CTTNBP2: variants seen among roughly 807,000 people sequenced by gnomAD.
CTTNBP2 encodes cortactin binding protein 2.
In CTTNBP2, 108 loss-of-function variants were observed where a neutral mutation model predicts 156.9. The ratio of observed to expected loss-of-function variants is 0.69; its 90% CI spans 0.59 to 0.81. The LOEUF (loss-of-function observed/expected upper bound fraction) is 0.81. CTTNBP2 is among the 30% of genes least tolerant of loss of function. The pLI, the probability that CTTNBP2 is intolerant of heterozygous loss-of-function variation, is 0.00. For missense variants in CTTNBP2, 1,924 were observed against 2,035.4 expected, an observed-to-expected ratio of 0.95 and a Z score of 1.05; for synonymous variants, 767 against 751.8, an observed-to-expected ratio of 1.02 and a Z score of -0.33.
intron 12 of CTTNBP2, among the ~76,000 whole-genome samples, chr7:117,753,639 C>A (rs1393824400): frequency 1.3e-5 from 2 of 152,096 alleles, no homozygotes; most frequent in Non-Finnish European, 2.9e-5. Context: ...TAATCCTCTG[C>A]AAACTAATGC....
In CTTNBP2 at chr7:117,724,720, T is replaced by G; in HGVS notation, c.4274A>C (p.His1425Pro). 6.2e-7 allele frequency: 1 copy of G among 1,614,128 alleles called. No homozygotes were observed. The highest frequency in any genetic ancestry group is 8.5e-7 in the Non-Finnish European group (1 of 1,180,006). Residue 1425 changes from histidine (H) to proline (P), a missense_variant, in exon 19 of 23, where the codon CAT becomes CCT. Transcript: ENST00000160373. Reference sequence around the variant, plus strand: ...ACTTCCTCCTTTGAAATCAGCTGTATGCTGGTCTAGCTCTGAAACAACACA... The same window carrying G: ...ACTTCCTCCTTTGAAATCAGCTGTAGGCTGGTCTAGCTCTGAAACAACACA... ...CPLPRAELDQ[H>P]TADFKGGSFP...
Position 117,760,728 on chromosome 7 carries a change from G to A in CTTNBP2, c.2897-18C>T. 1.2e-5 allele frequency: 18 copies of A among 1,536,338 alleles called. No homozygotes were observed. The highest frequency in any genetic ancestry group is 3.7e-5 in the South Asian group (3 of 81,988). On this transcript the variant is annotated intron_variant, in intron 9 of 22. Coordinates refer to ENST00000160373, the MANE Select transcript of CTTNBP2 (RefSeq NM_033427.3). ...AAGAGCATCTGTTAGAAGAGTAAAA[G>A]AATTAGGAGTTAAAAAAATCTGGAC... is the stretch of plus-strand genomic sequence containing the variant.
In CTTNBP2 at chr7:117,861,327, TA is replaced by T. The variant is rs768337681; in HGVS notation, c.82-12del. The stretch of plus-strand genomic sequence containing the variant: ...ATCAAACTCTTTTTTCTGTAACACA[TA>T]AAAAAATAAGGCCATGAAAAATCTT... On this transcript the variant is annotated splice_polypyrimidine_tract_variant and intron_variant, in intron 1 of 22. Transcript: ENST00000160373. 9.6e-6 allele frequency: 15 copies of T among 1,569,856 alleles called. No homozygotes were observed. In the African/African-American group the frequency reaches 1.4e-4, roughly 14 times the overall value.
chr7:117,839,783 C>A (rs546825735), intron 2 of CTTNBP2, among the ~76,000 whole-genome samples: 13 of 152,276 alleles, frequency 8.5e-5, no homozygotes, highest in African/African-American at 2.9e-4. Flanking sequence ...GCTTTATTAT[C>A]ATCTACAGGG....
chr7:117,766,585 C>G (rs758545335), intron 9 of CTTNBP2, among the ~76,000 whole-genome samples: 1 of 152,060 alleles, frequency 6.6e-6, no homozygotes, highest in Non-Finnish European at 1.5e-5. Flanking sequence ...CACAAGTGAG[C>G]CTTTATAAAA....
At chr7:117,758,029 A>G in intron 10 of CTTNBP2, 59 bp from the exon 11 acceptor site, 1 of 1,249,754 alleles carries the variant, frequency 8.0e-7, no homozygotes. Context: ...TTTTCTCACA[A>G]GGGTAAACAT....
chr7:117,873,260 G>T (rs1247177930), intron 1 of CTTNBP2, 75 bp downstream of exon 1: 5 of 1,153,232 alleles, frequency 4.3e-6, no homozygotes, highest in Admixed American at 4.3e-5. Flanking sequence ...GCGAAGTCGG[G>T]TCCGGCTGGG....
chr7:117,846,534 T>C (rs1464795824), intron 2 of CTTNBP2, among the ~76,000 whole-genome samples: 2 of 151,684 alleles, frequency 1.3e-5, no homozygotes, highest in African/African-American at 2.4e-5. Context: ...TAATCCCACA[T>C]GGACCCAGAG....
At chr7:117,844,275 A>G (rs1372248850) in intron 2 of CTTNBP2, among the ~76,000 whole-genome samples, 1 of 152,188 alleles carries the variant, frequency 6.6e-6, no homozygotes, top group Non-Finnish European at 1.5e-5. Context: ...TGTTAAGATA[A>G]TAAATTTGTG....
In CTTNBP2 at chr7:117,734,871, C is replaced by T. The variant is rs757657061; in HGVS notation, c.3876+42G>A. On this transcript the variant is annotated intron_variant, in intron 16 of 22. Coordinates refer to ENST00000160373, the MANE Select transcript of CTTNBP2 (RefSeq NM_033427.3). Reference sequence around the variant, plus strand: ...AGCTGAGATCTCCTGACAACAAAAACCCCTGCTCTCCTGGCAACAGGCTGC... The same window carrying T: ...AGCTGAGATCTCCTGACAACAAAAATCCCTGCTCTCCTGGCAACAGGCTGC... The T allele has an allele frequency of 6.0e-6, 9 of 1,493,826 alleles. No homozygotes were observed. The Middle Eastern group carries it at 1.1e-3, about 181-fold the overall frequency. The allele number at this position is 1,493,826 out of a possible 1,614,324, so 92.5% of individuals were successfully genotyped here. A position where few individuals can be genotyped will look rare whatever the true frequency, so the allele number is the denominator to read the frequency against.
At chr7:117,835,576 T>C (rs1484058272) in intron 2 of CTTNBP2, among the ~76,000 whole-genome samples, 1 of 152,228 alleles carries the variant, frequency 6.6e-6, no homozygotes, top group African/African-American at 2.4e-5. Flanking sequence ...ATAAATGTTA[T>C]CGACCATGTG....
intron 12 of CTTNBP2, among the ~76,000 whole-genome samples, chr7:117,748,398 TG>T (rs1796451272): frequency 6.6e-6 from 1 of 152,176 alleles, no homozygotes; most frequent in African/African-American, 2.4e-5. Flanking sequence ...TCCAATTTTT[TG>T]GTAATTTCTC....
Position 117,766,738 on chromosome 7 carries a change from A to AT in CTTNBP2, c.2896+320dup, listed in dbSNP as rs200227388. Among the ~76,000 whole-genome samples, 92 of 152,296 alleles carry AT rather than the reference A, an allele frequency of 6.0e-4. No individual in the cohort carries two copies. The East Asian group carries it at 0.016, about 26-fold the overall frequency. On this transcript the variant is annotated intron_variant, in intron 9 of 22. Transcript: ENST00000160373. ...AGCTGATGCAGAGTACATAGCTGGGATTTTTCATATCCTGCCAGTCTAACA... is the reference window on the plus strand; with the variant it reads ...AGCTGATGCAGAGTACATAGCTGGGATTTTTTCATATCCTGCCAGTCTAACA...
intron 2 of CTTNBP2, among the ~76,000 whole-genome samples, chr7:117,858,063 C>A (rs1418431691): frequency 7.9e-5 from 12 of 152,118 alleles, no homozygotes. Flanking sequence ...CAATTTTAAA[C>A]CAAAAAAGCT....
At chr7:117,833,949 C>T (rs1445435951) in intron 2 of CTTNBP2, among the ~76,000 whole-genome samples, 3 of 152,170 alleles carry the variant, frequency 2.0e-5, no homozygotes, top group African/African-American at 7.2e-5. Context: ...TTAGATGCTG[C>T]TTACTCACAG....
At chr7:117,840,074 T>C (rs1281657066) in intron 2 of CTTNBP2, among the ~76,000 whole-genome samples, 1 of 152,198 alleles carries the variant, frequency 6.6e-6, no homozygotes, top group Non-Finnish European at 1.5e-5. Context: ...CATGCACACC[T>C]GTTCATACAA....
chr7:117,864,678 TTATA>T (rs1171184707), intron 1 of CTTNBP2, among the ~76,000 whole-genome samples: 1 of 83,710 alleles, frequency 1.2e-5, no homozygotes, highest in Admixed American at 1.0e-4. Flanking sequence ...ATTCATATAT[TTATA>T]TATATTCATA....
At position 117,792,466 on chromosome 7, in the gene CTTNBP2, T is replaced by C. The variant is rs777931972; in HGVS notation, c.730A>G (p.Lys244Glu). Residue 244 changes from lysine (K) to glutamate (E), a missense_variant, in exon 4 of 23, where the codon AAG (lysine) becomes GAG (glutamate). By Grantham distance (56) the Lys-to-Glu change is moderately conservative. Transcript: ENST00000160373. This position sits in a 1 kb window ranked among gnomAD's most constrained non-coding sequence, Gnocchi z 4.2. ...GTGTGTGCTTCTTCCCGGTTCAGCTTGGCACGAAGCTGTTCCCGCTCAGTG... is the reference window on the plus strand; with the variant it reads ...GTGTGTGCTTCTTCCCGGTTCAGCTCGGCACGAAGCTGTTCCCGCTCAGTG... ...FDTEREQLRA[K>E]LNREEAHTTD... 5.0e-6 allele frequency: 8 copies of C among 1,614,224 alleles called. No individual in the cohort carries two copies. The South Asian group carries it at 7.7e-5, about 16-fold the overall frequency.
In CTTNBP2 at chr7:117,792,395, C is replaced by G. The variant is rs754937790; in HGVS notation, c.801G>C (p.Glu267Asp). ...EEIDKMRKMI[E>D]QLKRGSDSKP... ...TGCTGTCACTTCCCCTTTTCAGTTG[C>G]TCAATCATTTTCCTCATCTTGTCTA... Residue 267 changes from glutamate to aspartate, a missense_variant, in exon 4 of 23, where the codon GAG becomes GAC. Transcript: ENST00000160373. The surrounding 1 kb of genome is among the most constrained non-coding windows in gnomAD (Gnocchi z 4.2). The G allele has an allele frequency of 3.7e-6, 6 of 1,614,044 alleles. No homozygotes were observed. Among genetic ancestry groups the G allele is most frequent in the Admixed American group, 1.7e-5 (1 of 60,008 alleles).
Sources: allele counts gnomAD v4.1 joint callset (sites outside exome capture counted in the v4.1 genomes callset), GRCh38; gene constraint gnomAD v4.1.1; non-coding constraint Gnocchi (gnomAD v3.1); transcripts MANE v1.5; gene names NCBI Gene and HGNC (gene_info 2026-07-23, HGNC 2026-07-21).